The following RPS6KC1 variants were observed in gnomAD, a reference collection of about 807,000 sequenced individuals.
RPS6KC1 encodes the protein inactive ribosomal protein S6 kinase delta-1.
Under a neutral mutation model 103.8 loss-of-function variants are expected in RPS6KC1, and 54 were observed. That is an observed-to-expected ratio of 0.52 (90% confidence interval 0.42 to 0.65). The LOEUF (loss-of-function observed/expected upper bound fraction) is 0.65. Among genes scored for constraint, RPS6KC1 ranks in the 30% least tolerant of loss-of-function variants. The probability of loss-of-function intolerance (pLI) is 0.00; values close to 1 mark genes in which losing one functional copy is unlikely to be tolerated. For missense variants in RPS6KC1, 1,151 were observed against 1,253.8 expected (o/e 0.92, Z 1.24); for synonymous variants, 439 against 438.7 (o/e 1.00, Z -0.01).
chr1:213,153,303 AGGCAGGGGCAGGGGCAGG>A (rs879621634), intron 6 of RPS6KC1, among the ~76,000 whole-genome samples: 2 of 142,920 alleles, frequency 1.4e-5, no homozygotes, highest in Admixed American at 6.9e-5. Context: ...GCAGGCACAG[AGGCAGGGGCAGGGGCAGG>A]GGCAGGGGCA....
chr1:213,432,273 G>A, the RPS6KC1 span, among the ~76,000 whole-genome samples: 1 of 152,094 alleles, frequency 6.6e-6, no homozygotes, highest in African/African-American at 2.4e-5. Context: ...ATATTTTGGT[G>A]AGCTTTAATC....
chr1:213,418,259 T>C, the RPS6KC1 span, among the ~76,000 whole-genome samples: 1 of 152,206 alleles, frequency 6.6e-6, no homozygotes, highest in Non-Finnish European at 1.5e-5. Context: ...AAATAATATG[T>C]GCAAGGTGCC....
the RPS6KC1 span, among the ~76,000 whole-genome samples, chr1:213,581,275 C>T: frequency 6.6e-6 from 1 of 152,040 alleles, no homozygotes; most frequent in Non-Finnish European, 1.5e-5. Flanking sequence ...CTGCCTGTCT[C>T]TCTCCCCCTT....
chr1:213,280,166 A>ACCTT, the RPS6KC1 span, among the ~76,000 whole-genome samples: 1 of 152,282 alleles, frequency 6.6e-6, no homozygotes, highest in East Asian at 1.9e-4. Context: ...GAAGACAAGG[A>ACCTT]GGAAGGGAAA....
chr1:213,846,225 G>A, the RPS6KC1 span, among the ~76,000 whole-genome samples: 1 of 150,936 alleles, frequency 6.6e-6, no homozygotes, highest in African/African-American at 2.4e-5. Context: ...ACTTGAACTT[G>A]GGAGGCGGAG....
the RPS6KC1 span, among the ~76,000 whole-genome samples, chr1:213,862,137 C>T: frequency 8.5e-5 from 13 of 152,244 alleles, no homozygotes; most frequent in East Asian, 1.9e-4. Flanking sequence ...TCAATAAGCA[C>T]GTATAGACCA....
the RPS6KC1 span, among the ~76,000 whole-genome samples, chr1:213,599,572 G>A: frequency 6.6e-6 from 1 of 152,220 alleles, no homozygotes; most frequent in Non-Finnish European, 1.5e-5. Context: ...TGCTTTGGCT[G>A]CAATGAAGAG....
the RPS6KC1 span, among the ~76,000 whole-genome samples, chr1:213,657,208 A>G: frequency 6.6e-6 from 1 of 152,354 alleles, no homozygotes; most frequent in East Asian, 1.9e-4. Context: ...GGCATTAAGC[A>G]TCGAGTACAG....
chr1:213,166,076 A>G (rs1393168977), intron 6 of RPS6KC1, among the ~76,000 whole-genome samples: 6 of 152,128 alleles, frequency 3.9e-5, no homozygotes, highest in African/African-American at 1.4e-4. Context: ...TCTAGCTTTA[A>G]CTAGTTGTTC....
Position 213,120,340 on chromosome 1 carries a change from T to C in RPS6KC1, c.472+2930T>C, listed in dbSNP as rs184043578. 5.3e-5 allele frequency among the ~76,000 whole-genome samples: 8 copies of C among 152,302 alleles called. No homozygotes were observed. In the East Asian group the frequency reaches 7.7e-4, roughly 15 times the overall value. ...GGCAAATTAATCCTGCTGAAAGATATTAGGTTGATAAATACAGATAGATCA... is the reference window on the plus strand; with the variant it reads ...GGCAAATTAATCCTGCTGAAAGATACTAGGTTGATAAATACAGATAGATCA... On this transcript the variant is annotated intron_variant, in intron 5 of 14. Coordinates refer to ENST00000366960, the MANE Select transcript of RPS6KC1 (RefSeq NM_012424.6).
the RPS6KC1 span, among the ~76,000 whole-genome samples, chr1:213,723,193 G>A: frequency 9.4e-3 from 1,437 of 152,256 alleles, 17 homozygotes; most frequent in African/African-American, 0.032. Flanking sequence ...AGAAAAAAGG[G>A]AGTATTCTCT....
At chr1:213,642,138 A>G in the RPS6KC1 span, among the ~76,000 whole-genome samples, 1 of 152,108 alleles carries the variant, frequency 6.6e-6, no homozygotes, top group African/African-American at 2.4e-5. Flanking sequence ...CACAGTGCTC[A>G]TTTCAGATTT....
chr1:213,819,971 A>G, the RPS6KC1 span: 1 of 152,198 alleles, frequency 6.6e-6, no homozygotes, highest in Non-Finnish European at 1.5e-5. Context: ...TTGGACAAAT[A>G]GGAATTTGTT....
chr1:213,560,515 G>A, the RPS6KC1 span, among the ~76,000 whole-genome samples: 2 of 152,130 alleles, frequency 1.3e-5, no homozygotes, highest in African/African-American at 4.8e-5. Context: ...ACAATCACGA[G>A]GAATTAAATT....
At chr1:213,280,499 G>A in the RPS6KC1 span, among the ~76,000 whole-genome samples, 1 of 152,158 alleles carries the variant, frequency 6.6e-6, no homozygotes, top group African/African-American at 2.4e-5. Context: ...ACCAAGTTTG[G>A]GAAAGATACC....
the RPS6KC1 span, among the ~76,000 whole-genome samples, chr1:213,725,485 G>A: frequency 2.6e-5 from 4 of 152,174 alleles, no homozygotes; most frequent in Admixed American, 6.5e-5. Flanking sequence ...AAGGCATTCC[G>A]GGCTCTCTTC....
the RPS6KC1 span, among the ~76,000 whole-genome samples, chr1:213,485,041 T>C: frequency 4.0e-5 from 6 of 151,528 alleles, no homozygotes; most frequent in Non-Finnish European, 8.8e-5. Context: ...TTGTTTTTTA[T>C]TTTTTGTAGA....
At chr1:213,694,944 C>T in the RPS6KC1 span, among the ~76,000 whole-genome samples, 1 of 152,074 alleles carries the variant, frequency 6.6e-6, no homozygotes, top group Non-Finnish European at 1.5e-5. Context: ...GACAGTGGTG[C>T]CCAGTGTGAG....
At chr1:213,771,553 C>A in the RPS6KC1 span, among the ~76,000 whole-genome samples, 1 of 152,232 alleles carries the variant, frequency 6.6e-6, no homozygotes, top group Non-Finnish European at 1.5e-5. Flanking sequence ...TTGTTCTATG[C>A]TGGGTCCTGG....
Sources: gnomAD v4.1 joint callset for allele counts (sites outside exome capture counted in the v4.1 genomes callset) on GRCh38, gnomAD v4.1.1 for gene constraint, MANE v1.5 for transcripts, NCBI Gene and HGNC (gene_info 2026-07-23, HGNC 2026-07-21) for gene names.